Variants in BCAS3 observed in about 807,000 individuals in gnomAD.
BCAS3 encodes BCAS4/BCAS3 fusion.
A neutral mutation model predicts 116.1 loss-of-function variants in BCAS3; 53 were observed. The ratio of observed to expected loss-of-function variants is 0.46; its 90% CI spans 0.37 to 0.57. BCAS3 has a LOEUF of 0.57. Ranked by LOEUF, BCAS3 falls within the 20% of genes least tolerant of loss-of-function variation. BCAS3 has a pLI of 0.00. For synonymous variants in BCAS3, 391 were observed against 408.2 expected (o/e 0.96, Z 0.51); for missense variants, 917 against 1,165.4 (o/e 0.79, Z 3.10).
At chr17:60,870,148 C>T (rs1055004408) in intron 8 of BCAS3, among the ~76,000 whole-genome samples, 2 of 152,112 alleles carry the variant, frequency 1.3e-5, no homozygotes, top group Admixed American at 6.5e-5. Flanking sequence ...CTCCAGAAAC[C>T]GTACGTATCA....
intron 7 of BCAS3, among the ~76,000 whole-genome samples, chr17:60,816,235 C>G (rs1284074586): frequency 6.6e-6 from 1 of 151,458 alleles, no homozygotes; most frequent in Non-Finnish European, 1.5e-5. Flanking sequence ...GGAAAATTCA[C>G]TAAGATTTTC....
chr17:60,859,705 A>C (rs1599227807), intron 7 of BCAS3, among the ~76,000 whole-genome samples: 2 of 151,800 alleles, frequency 1.3e-5, no homozygotes, highest in Non-Finnish European at 2.9e-5. Context: ...AGTAGCTGGG[A>C]TTACAGGTGT....
At chr17:60,711,022 C>T (rs1184298629) in intron 5 of BCAS3, among the ~76,000 whole-genome samples, 15 of 151,656 alleles carry the variant, frequency 9.9e-5, no homozygotes, top group Non-Finnish European at 2.2e-4. Flanking sequence ...AGGCTGGTCT[C>T]GAACTCCTGG....
intron 6 of BCAS3, among the ~76,000 whole-genome samples, chr17:60,764,487 T>G (rs1167142349): frequency 6.6e-6 from 1 of 152,222 alleles, no homozygotes; most frequent in African/African-American, 2.4e-5. Flanking sequence ...TTGTTCAGTT[T>G]CCATGTAGTT....
intron 9 of BCAS3, among the ~76,000 whole-genome samples, chr17:60,877,649 A>C (rs1255305468): frequency 6.6e-6 from 1 of 152,262 alleles, no homozygotes; most frequent in African/African-American, 2.4e-5. Flanking sequence ...CAGGAAGAAG[A>C]GATCTAGAGG....
At chr17:60,788,257 C>A (rs2046455668) in intron 6 of BCAS3, among the ~76,000 whole-genome samples, 1 of 152,120 alleles carries the variant, frequency 6.6e-6, no homozygotes. Context: ...TCTTGTCTAG[C>A]TTTAAGGTTC....
intron 4 of BCAS3, among the ~76,000 whole-genome samples, chr17:60,708,911 G>T (rs1778891767): frequency 6.6e-6 from 1 of 151,792 alleles, no homozygotes; most frequent in Non-Finnish European, 1.5e-5. Flanking sequence ...CTTCTACTTC[G>T]TCCTCTCAAA....
intron 19 of BCAS3, among the ~76,000 whole-genome samples, chr17:61,044,465 A>AAAAATATATAT: frequency 1.7e-5 from 2 of 120,126 alleles, no homozygotes; most frequent in African/African-American, 1.0e-4. Context: ...AAAAAAAAAA[A>AAAAATATATAT]ATATATATAT....
intron 22 of BCAS3, among the ~76,000 whole-genome samples, chr17:61,172,903 G>T (rs2078933635): frequency 6.6e-6 from 1 of 151,258 alleles, no homozygotes; most frequent in Admixed American, 6.6e-5. Flanking sequence ...CAGGAGCATG[G>T]CGTGAACCCG....
At chr17:60,717,199 TTTCTTC>T (rs200946708) in intron 5 of BCAS3, among the ~76,000 whole-genome samples, 7 of 151,344 alleles carry the variant, frequency 4.6e-5, no homozygotes, top group South Asian at 2.1e-4. Context: ...TTCTTTTTCT[TTTCTTC>T]TTCTTCTTCT....
intron 19 of BCAS3, among the ~76,000 whole-genome samples, chr17:61,043,988 C>T (rs1479236774): frequency 1.3e-5 from 2 of 151,984 alleles, no homozygotes; most frequent in African/African-American, 4.8e-5. Context: ...ACTTCAAGCT[C>T]CACTACTCAG....
intron 18 of BCAS3, 40 bp from the exon 19 acceptor site, chr17:61,040,752 A>G (rs758107789): frequency 7.4e-6 from 11 of 1,486,414 alleles, no homozygotes; most frequent in African/African-American, 2.8e-5. Flanking sequence ...CATCCCATCT[A>G]TTAAGCTTAA....
chr17:60,854,313 G>C (rs568796257), intron 7 of BCAS3, among the ~76,000 whole-genome samples: 1 of 152,132 alleles, frequency 6.6e-6, no homozygotes. Context: ...GCACATTTGG[G>C]TTGGTTCCAA....
intron 22 of BCAS3, among the ~76,000 whole-genome samples, chr17:61,103,847 AC>A (rs1370157427): frequency 1.3e-5 from 2 of 152,220 alleles, no homozygotes; most frequent in Non-Finnish European, 2.9e-5. Context: ...CCCTAAATAC[AC>A]AAAAGATTTT....
intron 6 of BCAS3, among the ~76,000 whole-genome samples, chr17:60,804,672 A>G (rs562812327): frequency 6.6e-6 from 1 of 152,208 alleles, no homozygotes; most frequent in African/African-American, 2.4e-5. Flanking sequence ...TTTTGCTATT[A>G]TAAACAATAC....
At chr17:61,043,102 C>T (rs143358961) in intron 19 of BCAS3, among the ~76,000 whole-genome samples, 112 of 151,848 alleles carry the variant, frequency 7.4e-4, no homozygotes, top group African/African-American at 2.3e-3. Context: ...CAGTGGCTCA[C>T]GCCTGTAATC....
Position 60,990,755 on chromosome 17 carries a change from T to C in BCAS3, c.1486+520T>C, listed in dbSNP as rs1250271994. Among the ~76,000 whole-genome samples the C allele has an allele frequency of 6.6e-6, 1 of 151,974 alleles. No individual in the cohort carries two copies. Among genetic ancestry groups the C allele is most frequent in the Non-Finnish European group, 1.5e-5 (1 of 68,004 alleles). ...TCTACCTCCCAGGTTCAAGCAATTCTCCTGCCTCAGCCTCCCGAGCAGCTG... is the reference window on the plus strand; with the variant it reads ...TCTACCTCCCAGGTTCAAGCAATTCCCCTGCCTCAGCCTCCCGAGCAGCTG... On this transcript the variant is annotated intron_variant, in intron 15 of 23. Coordinates refer to ENST00000407086, the MANE Select transcript of BCAS3 (RefSeq NM_017679.5). This position sits in a 1 kb window ranked among gnomAD's most constrained non-coding sequence, Gnocchi z 5.1.
In BCAS3 at chr17:61,211,278, G is replaced by T. The variant is rs1476076315; in HGVS notation, c.2425+126714G>T. The stretch of plus-strand genomic sequence containing the variant: ...TAATCCAGTTGGCCACCAAGGGGTT[G>T]TGCTTCCTTACTGACTGTATTTGTG... On this transcript the variant is annotated intron_variant, in intron 22 of 23. Transcript: ENST00000407086. The surrounding 1 kb of genome is among the most constrained non-coding windows in gnomAD (Gnocchi z 4.4). 6.6e-6 allele frequency among the ~76,000 whole-genome samples: 1 copy of T among 152,190 alleles called. No individual in the cohort carries two copies. Among genetic ancestry groups the T allele is most frequent in the Admixed American group, 6.5e-5 (1 of 15,278 alleles).
At chr17:61,011,211 A>G (rs1403897442) in intron 15 of BCAS3, among the ~76,000 whole-genome samples, 2 of 152,102 alleles carry the variant, frequency 1.3e-5, no homozygotes, top group Non-Finnish European at 2.9e-5. Flanking sequence ...AACTCTCTTC[A>G]TAGATCTCAG....
Sources: gnomAD v4.1 joint callset for allele counts (sites outside exome capture counted in the v4.1 genomes callset) on GRCh38, gnomAD v4.1.1 for gene constraint, Gnocchi (gnomAD v3.1) non-coding constraint, MANE v1.5 for transcripts, NCBI Gene and HGNC (gene_info 2026-07-23, HGNC 2026-07-21) for gene names.